ATXN1: variants seen among roughly 807,000 people sequenced by gnomAD.
ATXN1 encodes the protein ataxin-1.
Under a neutral mutation model 56.4 loss-of-function variants are expected in ATXN1, and 8 were observed. The observed-to-expected ratio is 0.14, with a 90% CI of 0.08 to 0.26. The LOEUF is 0.26. Ranked by LOEUF, ATXN1 falls within the 10% of genes least tolerant of loss-of-function variation. The pLI, the probability that ATXN1 is intolerant of heterozygous loss-of-function variation, is 1.00. For synonymous variants in ATXN1, 514 were observed against 494.6 expected, an observed-to-expected ratio of 1.04 and a Z score of -0.52; for missense variants, 987 against 1,106.5, an observed-to-expected ratio of 0.89 and a Z score of 1.53.
At chr6:16,308,262 G>A (rs918476415) in intron 7 of ATXN1, among the ~76,000 whole-genome samples, 3 of 151,502 alleles carry the variant, frequency 2.0e-5, no homozygotes, top group Non-Finnish European at 4.4e-5. Context: ...GGAGGCGGAG[G>A]CTGCAGTGAA....
intron 6 of ATXN1, among the ~76,000 whole-genome samples, chr6:16,474,078 T>C (rs1514328): frequency 0.27 from 41,079 of 152,062 alleles, 5,884 homozygotes; most frequent in African/African-American, 0.36. Context: ...GATCTGGCTT[T>C]TTCTTCATGA....
chr6:16,600,737 AAATG>A (rs1348337433), intron 3 of ATXN1, among the ~76,000 whole-genome samples: 2 of 152,378 alleles, frequency 1.3e-5, no homozygotes, highest in East Asian at 3.9e-4. Flanking sequence ...TGTTTGGAAT[AAATG>A]AATGAAAGAA....
chr6:16,760,853 G>T lies in ATXN1; in HGVS notation c.-730+445C>A, dbSNP rs1761069308. On this transcript the variant is annotated intron_variant, in intron 1 of 7. Coordinates refer to ENST00000436367, the MANE Select transcript of ATXN1 (RefSeq NM_001128164.2). The surrounding 1 kb of genome is among the most constrained non-coding windows in gnomAD (Gnocchi z 5.3). ...CCCCTGCGCCACCCGGAGGGAGGAG[G>T]ACATGGCTCTCCGCACTTGCGACCG... Among the ~76,000 whole-genome samples the T allele has an allele frequency of 6.7e-6, 1 of 150,100 alleles. No individual in the cohort carries two copies. Among genetic ancestry groups the T allele is most frequent in the Non-Finnish European group, 1.5e-5 (1 of 67,282 alleles).
At chr6:16,419,627 A>G (rs902082021) in intron 6 of ATXN1, among the ~76,000 whole-genome samples, 2 of 152,094 alleles carry the variant, frequency 1.3e-5, no homozygotes, top group African/African-American at 2.4e-5. Flanking sequence ...ACCACATCCC[A>G]TATTTCCCTT....
intron 4 of ATXN1, among the ~76,000 whole-genome samples, chr6:16,532,228 A>G (rs1383118630): frequency 6.6e-6 from 1 of 152,192 alleles, no homozygotes; most frequent in Non-Finnish European, 1.5e-5. Flanking sequence ...CCTTTCCTCT[A>G]AAGAGATTAT....
At chr6:16,425,260 C>T (rs1759125945) in intron 6 of ATXN1, among the ~76,000 whole-genome samples, 1 of 152,254 alleles carries the variant, frequency 6.6e-6, no homozygotes, top group Non-Finnish European at 1.5e-5. Flanking sequence ...GACCCTACTC[C>T]ATCCCACTGT....
intron 6 of ATXN1, among the ~76,000 whole-genome samples, chr6:16,384,339 A>G (rs576857055): frequency 6.6e-6 from 1 of 152,360 alleles, no homozygotes; most frequent in South Asian, 2.1e-4. Flanking sequence ...GACTGGTGTG[A>G]CCATGAGATA....
intron 6 of ATXN1, among the ~76,000 whole-genome samples, chr6:16,460,839 G>A (rs966628140): frequency 2.6e-5 from 4 of 152,172 alleles, no homozygotes; most frequent in Admixed American, 6.5e-5. Flanking sequence ...ACGGACCAGC[G>A]CCTAGTTAGC....
chr6:16,532,846 A>T (rs1304576319), intron 4 of ATXN1, among the ~76,000 whole-genome samples: 3 of 152,226 alleles, frequency 2.0e-5, no homozygotes, highest in Non-Finnish European at 4.4e-5. Context: ...CAAAAAATTT[A>T]AAAAATACTA....
chr6:16,441,223 C>T (rs533079052), intron 6 of ATXN1, among the ~76,000 whole-genome samples: 11 of 152,186 alleles, frequency 7.2e-5, no homozygotes, highest in African/African-American at 2.2e-4. Flanking sequence ...CTTTTGAGAG[C>T]AGAATCTAAA....
intron 5 of ATXN1, among the ~76,000 whole-genome samples, chr6:16,488,899 C>T (rs928310814): frequency 6.6e-6 from 1 of 152,128 alleles, no homozygotes; most frequent in Non-Finnish European, 1.5e-5. Flanking sequence ...AGAGAGAGAA[C>T]AAGAAAAAGC....
Position 16,760,098 on chromosome 6 carries a change from G to C in ATXN1, c.-730+1200C>G, listed in dbSNP as rs891637737. 6.6e-6 allele frequency among the ~76,000 whole-genome samples: 1 copy of C among 151,778 alleles called. No individual in the cohort carries two copies. Among genetic ancestry groups the C allele is most frequent in the Non-Finnish European group, 1.5e-5 (1 of 67,912 alleles). On this transcript the variant is annotated intron_variant, in intron 1 of 7. Transcript: ENST00000436367. The surrounding 1 kb of genome is among the most constrained non-coding windows in gnomAD (Gnocchi z 5.3). Reference sequence around the variant, plus strand: ...CCGGCCCCCTTCCCTGCCCCCTGCGGGACCGGCCTGCGCGCAGCACTGGAA... The same window carrying C: ...CCGGCCCCCTTCCCTGCCCCCTGCGCGACCGGCCTGCGCGCAGCACTGGAA...
At chr6:16,466,045 G>A (rs370329270) in intron 6 of ATXN1, among the ~76,000 whole-genome samples, 4 of 152,274 alleles carry the variant, frequency 2.6e-5, no homozygotes, top group East Asian at 3.9e-4. Context: ...GGCCAGGCGC[G>A]GTGGCTCATG....
At chr6:16,405,994 AC>A (rs1415144149) in intron 6 of ATXN1, among the ~76,000 whole-genome samples, 2 of 152,144 alleles carry the variant, frequency 1.3e-5, no homozygotes, top group Non-Finnish European at 2.9e-5. Context: ...CATGTGAAGG[AC>A]CTTTTACTGC....
chr6:16,734,919 A>G (rs1475418963), intron 2 of ATXN1, among the ~76,000 whole-genome samples: 3 of 152,214 alleles, frequency 2.0e-5, no homozygotes, highest in Admixed American at 6.5e-5. Context: ...ATGGGTGTAG[A>G]GTTAAAGGAG....
At position 16,299,617 on chromosome 6, in the gene ATXN1, G is replaced by C. The variant is rs1362015867; in HGVS notation, c.*6712C>G. The C allele has an allele frequency of 6.7e-6, 1 of 149,848 alleles. No individual in the cohort carries two copies. Among genetic ancestry groups the C allele is most frequent in the African/African-American group, 2.5e-5 (1 of 39,800 alleles). 9.3% of individuals were successfully genotyped at this position (149,848 alleles called of 1,614,324 possible). On this transcript the variant is annotated 3_prime_UTR_variant, in exon 8 of 8. Transcript: ENST00000436367. ...TCTGGTGTCTGTTTTCCCTTGGCCT[G>C]TGGGAGGCATATGGTGGGTAATGAT...
intron 6 of ATXN1, among the ~76,000 whole-genome samples, chr6:16,371,528 C>T (rs536816375): frequency 6.6e-6 from 1 of 151,900 alleles, no homozygotes; most frequent in Admixed American, 6.6e-5. Context: ...AAAAAAGAAA[C>T]CAATATTTGA....
At chr6:16,733,103 T>C (rs1238104031) in intron 2 of ATXN1, among the ~76,000 whole-genome samples, 1 of 152,240 alleles carries the variant, frequency 6.6e-6, no homozygotes, top group Non-Finnish European at 1.5e-5. Flanking sequence ...ACACCCACCA[T>C]ACCAGGTATT....
chr6:16,558,185 C>T (rs1370156259), intron 4 of ATXN1, among the ~76,000 whole-genome samples: 1 of 151,718 alleles, frequency 6.6e-6, no homozygotes, highest in Admixed American at 6.6e-5. Context: ...ACCTGTAATC[C>T]TAGCACTTTA....
Sources: gnomAD v4.1 joint callset for allele counts (sites outside exome capture counted in the v4.1 genomes callset) on GRCh38, gnomAD v4.1.1 for gene constraint, Gnocchi (gnomAD v3.1) non-coding constraint, MANE v1.5 for transcripts, NCBI Gene and HGNC (gene_info 2026-07-23, HGNC 2026-07-21) for gene names.